Variants in CSMD1 observed in about 807,000 individuals in gnomAD.
CSMD1 encodes CUB and Sushi multiple domains 1.
A neutral mutation model predicts 417.5 loss-of-function variants in CSMD1; 213 were observed. The observed-to-expected ratio is 0.51, with a 90% confidence interval of 0.46 to 0.57. The LOEUF is 0.57. Ranked by LOEUF, CSMD1 falls within the 20% of genes least tolerant of loss-of-function variation. The pLI is 0.00. For missense variants in CSMD1, 6,923 were observed against 4,529.7 expected (o/e 1.53, Z -15.17); for synonymous variants, 2,862 against 1,736.8 (o/e 1.65, Z -16.11).
intron 2 of CSMD1, among the ~76,000 whole-genome samples, chr8:4,481,271 G>A (rs1801085230): frequency 6.6e-6 from 1 of 152,214 alleles, no homozygotes; most frequent in Admixed American, 6.5e-5. Flanking sequence ...ACATTTTCCT[G>A]CTGTGCCAGC....
intron 50 of CSMD1, among the ~76,000 whole-genome samples, chr8:3,049,354 G>C (rs183597288): frequency 6.6e-6 from 1 of 152,040 alleles, no homozygotes; most frequent in African/African-American, 2.4e-5. Flanking sequence ...TACGTAAACG[G>C]GTAAATAAGC....
intron 13 of CSMD1, 30 bp from the exon 14 acceptor site, chr8:3,408,255 G>T (rs776583214): frequency 1.3e-6 from 2 of 1,509,658 alleles, no homozygotes; most frequent in South Asian, 1.2e-5. Context: ...TTTTCAAACA[G>T]TTATGCACAT....
At chr8:4,222,232 G>T (rs1388864265) in intron 3 of CSMD1, among the ~76,000 whole-genome samples, 1 of 152,104 alleles carries the variant, frequency 6.6e-6, no homozygotes, top group African/African-American at 2.4e-5. Flanking sequence ...GTAACACGCA[G>T]AAAGTTATGA....
chr8:4,437,695 T>C (rs917018892), intron 2 of CSMD1, among the ~76,000 whole-genome samples: 2 of 152,202 alleles, frequency 1.3e-5, no homozygotes, highest in African/African-American at 2.4e-5. Context: ...ACCTTTAGCA[T>C]AGAATAAGAT....
chr8:3,765,028 A>T (rs763597909), intron 5 of CSMD1, among the ~76,000 whole-genome samples: 55 of 152,034 alleles, frequency 3.6e-4, no homozygotes, highest in Middle Eastern at 6.8e-3. Context: ...TACAGGCATG[A>T]CCCACCATTC....
At chr8:3,647,774 G>T (rs1198590979) in intron 7 of CSMD1, among the ~76,000 whole-genome samples, 2 of 152,198 alleles carry the variant, frequency 1.3e-5, no homozygotes, top group African/African-American at 4.8e-5. Flanking sequence ...GAGAAAGAGT[G>T]AGAGAAAGAG....
chr8:3,869,515 T>C (rs1225164034), intron 5 of CSMD1, among the ~76,000 whole-genome samples: 1 of 152,194 alleles, frequency 6.6e-6, no homozygotes, highest in East Asian at 1.9e-4. Flanking sequence ...TTTGATATGC[T>C]TAACAATATT....
chr8:4,632,515 G>A (rs1154581), intron 2 of CSMD1, among the ~76,000 whole-genome samples: 91,767 of 151,888 alleles, frequency 0.6, 28,819 homozygotes, highest in Admixed American at 0.73. Flanking sequence ...TCCATCATGG[G>A]GGTAGGGGGA....
At chr8:3,347,728 A>G (rs1320539865) in intron 22 of CSMD1, among the ~76,000 whole-genome samples, 1 of 152,224 alleles carries the variant, frequency 6.6e-6, no homozygotes, top group Non-Finnish European at 1.5e-5. Flanking sequence ...GAAGATCAAA[A>G]GTGTTAAATA....
chr8:4,208,161 A>C (rs1294828248), intron 3 of CSMD1, among the ~76,000 whole-genome samples: 1 of 152,172 alleles, frequency 6.6e-6, no homozygotes. Flanking sequence ...CATATTGTGG[A>C]GGCTAAGGTG....
chr8:3,199,861 C>G, intron 32 of CSMD1, 52 bp from the exon 33 acceptor site: 5 of 1,102,562 alleles, frequency 4.5e-6, no homozygotes, highest in Non-Finnish European at 5.2e-6. Flanking sequence ...CCGTGGGGGA[C>G]GGTAGTATTT....
At chr8:3,304,556 A>G (rs6996208) in intron 25 of CSMD1, among the ~76,000 whole-genome samples, 3,535 of 152,208 alleles carry the variant, frequency 0.023, 130 homozygotes, top group African/African-American at 0.079. Context: ...ATGGATGGCT[A>G]CCCTCTTAAG....
At chr8:4,974,460 G>A (rs1349730795) in intron 1 of CSMD1, among the ~76,000 whole-genome samples, 1 of 151,898 alleles carries the variant, frequency 6.6e-6, no homozygotes, top group East Asian at 1.9e-4. Context: ...GCAGACACAG[G>A]CTATATATAA....
intron 7 of CSMD1, among the ~76,000 whole-genome samples, chr8:3,658,978 A>G (rs914099380): frequency 6.6e-6 from 1 of 152,164 alleles, no homozygotes; most frequent in African/African-American, 2.4e-5. Flanking sequence ...ATGACCTAAT[A>G]TTTGTAGTGT....
At chr8:4,152,642 A>C (rs747447140) in intron 3 of CSMD1, among the ~76,000 whole-genome samples, 2 of 152,102 alleles carry the variant, frequency 1.3e-5, no homozygotes, top group Non-Finnish European at 2.9e-5. Flanking sequence ...ATGAGTCACG[A>C]TTGTGCCAGC....
At chr8:4,409,908 G>C (rs1796555086) in intron 3 of CSMD1, among the ~76,000 whole-genome samples, 1 of 151,948 alleles carries the variant, frequency 6.6e-6, no homozygotes, top group African/African-American at 2.4e-5. Flanking sequence ...CCGCCTCCTG[G>C]GTTCAAATGA....
chr8:4,320,325 G>C (rs912970152), intron 3 of CSMD1, among the ~76,000 whole-genome samples: 3 of 152,074 alleles, frequency 2.0e-5, no homozygotes, highest in Non-Finnish European at 4.4e-5. Flanking sequence ...CAGGCTATTT[G>C]TTTTCCTTCC....
chr8:4,991,844 C>G (rs1811483936), intron 1 of CSMD1, among the ~76,000 whole-genome samples: 2 of 152,204 alleles, frequency 1.3e-5, no homozygotes, highest in Non-Finnish European at 2.9e-5. Context: ...GGTACAGGAG[C>G]TCGCACTTGA....
intron 2 of CSMD1, among the ~76,000 whole-genome samples, chr8:4,570,628 GT>G (rs1315619517): frequency 6.6e-6 from 1 of 152,178 alleles, no homozygotes; most frequent in Non-Finnish European, 1.5e-5. Flanking sequence ...TCTCTGCCAG[GT>G]TTTGGTATTT....
Sources: allele counts gnomAD v4.1 joint callset (sites outside exome capture counted in the v4.1 genomes callset), GRCh38; gene constraint gnomAD v4.1.1; transcripts MANE v1.5; gene names NCBI Gene and HGNC (gene_info 2026-07-23, HGNC 2026-07-21).